The following MYT1L variants were observed in gnomAD, a reference collection of about 807,000 sequenced individuals.
MYT1L encodes myelin transcription factor 1-like protein.
MYT1L carries 12 observed loss-of-function variants against 126.7 expected under a neutral mutation model. That is an observed-to-expected ratio of 0.09 (90% CI 0.06 to 0.15). The LOEUF (loss-of-function observed/expected upper bound fraction) is 0.15, where lower values mean the gene tolerates loss of function less well. MYT1L is among the 10% of genes least tolerant of loss of function. The pLI, the probability that MYT1L is intolerant of heterozygous loss-of-function variation, is 1.00. For missense variants in MYT1L, 979 were observed against 1,585.2 expected (o/e 0.62, Z 6.49); for synonymous variants, 541 against 604.2 (o/e 0.90, Z 1.53).
Position 1,953,788 on chromosome 2 carries a change from T to C in MYT1L, c.153-10454A>G, listed in dbSNP as rs1335508754. Among the ~76,000 whole-genome samples the C allele has an allele frequency of 3.9e-5, 6 of 152,340 alleles. No individual in the cohort carries two copies. In the South Asian group the frequency reaches 8.3e-4, roughly 21 times the overall value. On this transcript the variant is annotated intron_variant, in intron 8 of 24. Coordinates refer to ENST00000647738, the MANE Select transcript of MYT1L (RefSeq NM_001303052.2). ...GCATCTGCTTTTCACGAAATCATAC[T>C]GCCTCTTTTCTGCCAAAACAGAACT...
chr2:2,009,827 T>C (rs1027365420), intron 4 of MYT1L, among the ~76,000 whole-genome samples: 1 of 152,140 alleles, frequency 6.6e-6, no homozygotes. Flanking sequence ...GTTAATTATA[T>C]TAGCTGCAGG....
intron 2 of MYT1L, among the ~76,000 whole-genome samples, chr2:2,239,910 T>C (rs1038571516): frequency 2.6e-5 from 4 of 152,194 alleles, no homozygotes; most frequent in Admixed American, 2.6e-4. Flanking sequence ...ACTCATCTCT[T>C]TTTTCTCTGA....
intron 14 of MYT1L, among the ~76,000 whole-genome samples, chr2:1,895,679 A>G (rs1406254666): frequency 6.6e-6 from 1 of 152,256 alleles, no homozygotes; most frequent in Admixed American, 6.5e-5. Flanking sequence ...GCCATATACA[A>G]AAATTAACAA....
chr2:2,292,848 A>G (rs577450275), intron 1 of MYT1L, among the ~76,000 whole-genome samples: 2 of 152,298 alleles, frequency 1.3e-5, no homozygotes, highest in East Asian at 3.9e-4. Flanking sequence ...CTGTACACAG[A>G]GCAATCAGAA....
intron 4 of MYT1L, among the ~76,000 whole-genome samples, chr2:2,012,368 C>A (rs78750778): frequency 0.018 from 2,725 of 152,304 alleles, 55 homozygotes; most frequent in South Asian, 0.092. Context: ...CAGTCTCACA[C>A]GGCCACGTCT....
intron 8 of MYT1L, among the ~76,000 whole-genome samples, chr2:1,958,144 A>G (rs1208877592): frequency 1.3e-5 from 2 of 152,116 alleles, no homozygotes; most frequent in East Asian, 3.9e-4. Flanking sequence ...TCTGTTTTAG[A>G]GAAATGCAAT....
chr2:1,845,317 A>G (rs1348045316), intron 19 of MYT1L, among the ~76,000 whole-genome samples: 1 of 152,136 alleles, frequency 6.6e-6, no homozygotes, highest in East Asian at 1.9e-4. Flanking sequence ...CTTTTCGTGA[A>G]TGAGTTGGAA....
At chr2:1,863,057 T>A (rs1444014575) in intron 18 of MYT1L, among the ~76,000 whole-genome samples, 1 of 152,148 alleles carries the variant, frequency 6.6e-6, no homozygotes, top group East Asian at 1.9e-4. Flanking sequence ...CTGGGAATGG[T>A]AGCGTGTCCA....
chr2:2,205,197 A>C (rs1572440583), intron 2 of MYT1L, among the ~76,000 whole-genome samples: 1 of 151,914 alleles, frequency 6.6e-6, no homozygotes, highest in Admixed American at 6.6e-5. Flanking sequence ...CAGCACACCA[A>C]CATGGTACAT....
chr2:2,088,236 C>T (rs2076552190), intron 3 of MYT1L, among the ~76,000 whole-genome samples: 1 of 152,212 alleles, frequency 6.6e-6, no homozygotes, highest in Admixed American at 6.5e-5. Context: ...AAGGTGATGA[C>T]TGACTCGCTT....
rs1263387139 is a variant in MYT1L at position 2,059,964 on chromosome 2, G to A, written c.-303-5841C>T. 1.3e-5 allele frequency among the ~76,000 whole-genome samples: 2 copies of A among 152,212 alleles called. No homozygotes were observed. Among genetic ancestry groups the A allele is most frequent in the African/African-American group, 4.8e-5 (2 of 41,458 alleles). ...CCAACCCCACCACGAGCTCGTCAGGGCAGGGGACAGAGCCCATTAGATTCT... is the reference window on the plus strand; with the variant it reads ...CCAACCCCACCACGAGCTCGTCAGGACAGGGGACAGAGCCCATTAGATTCT... On this transcript the variant is annotated intron_variant, in intron 3 of 24. Transcript: ENST00000647738. The surrounding 1 kb of genome is among the most constrained non-coding windows in gnomAD (Gnocchi z 4.7).
chr2:2,243,943 A>G (rs1363119919), intron 2 of MYT1L, among the ~76,000 whole-genome samples: 1 of 152,202 alleles, frequency 6.6e-6, no homozygotes, highest in Admixed American at 6.5e-5. Context: ...GAAAGACCAC[A>G]TGCAGGATTG....
chr2:2,265,865 T>G (rs1189652791), intron 2 of MYT1L, among the ~76,000 whole-genome samples: 1 of 152,094 alleles, frequency 6.6e-6, no homozygotes, highest in Non-Finnish European at 1.5e-5. Context: ...TCTGGGGCCC[T>G]AAGGAGGCAT....
intron 18 of MYT1L, among the ~76,000 whole-genome samples, chr2:1,871,267 T>C (rs1011975292): frequency 6.6e-6 from 1 of 152,216 alleles, no homozygotes; most frequent in Non-Finnish European, 1.5e-5. Context: ...AATCTCTGTG[T>C]GCCAAGATCA....
intron 13 of MYT1L, among the ~76,000 whole-genome samples, chr2:1,904,957 C>A (rs1035517840): frequency 1.4e-5 from 2 of 147,604 alleles, no homozygotes; most frequent in Admixed American, 6.7e-5. Context: ...CTGTGCCCAG[C>A]TAATTTTTTT....
intron 3 of MYT1L, among the ~76,000 whole-genome samples, chr2:2,128,305 C>T (rs998347212): frequency 1.3e-5 from 2 of 152,108 alleles, no homozygotes; most frequent in African/African-American, 2.4e-5. Context: ...CAACACCACG[C>T]CTGGCTAATT....
intron 21 of MYT1L, among the ~76,000 whole-genome samples, chr2:1,826,254 C>T (rs1056476035): frequency 9.2e-5 from 14 of 152,224 alleles, no homozygotes; most frequent in African/African-American, 2.7e-4. Flanking sequence ...AAGACCGGCA[C>T]GGTGCTCGGG....
chr2:1,987,527 T>C (rs528260845), intron 5 of MYT1L, among the ~76,000 whole-genome samples: 1 of 152,282 alleles, frequency 6.6e-6, no homozygotes, highest in Admixed American at 6.5e-5. Context: ...TCTGGGGCCC[T>C]CATGCCCATT....
rs1177655245 is a variant in MYT1L, at chr2:1,887,554, T to C, written c.2576A>G (p.Glu859Gly). 1 of 1,613,948 alleles carries C rather than the reference T, an allele frequency of 6.2e-7. No individual in the cohort carries two copies. Among genetic ancestry groups the C allele is most frequent in the Non-Finnish European group, 8.5e-7 (1 of 1,179,866 alleles). ...GGGTTTGGGACTTGGGATGGTCACC[T>C]CCCCGGGATACCGTCTTTCTTCTAG... ...EALEERRYPG[E>G]VTIPSPKPKY... Residue 859 changes from glutamate to glycine, a missense_variant, in exon 17 of 25, where the codon GAG (glutamate) becomes GGG (glycine). By Grantham distance (98) the Glu-to-Gly change is moderately conservative. Around this residue, in one of 12 missense-constraint regions of MYT1L, gnomAD observed 141 missense variants for 170.6 expected, o/e 0.83. Transcript: ENST00000647738. The surrounding 1 kb of genome is among the most constrained non-coding windows in gnomAD (Gnocchi z 4.8).
Sources: gnomAD v4.1 joint callset for allele counts (sites outside exome capture counted in the v4.1 genomes callset) on GRCh38, gnomAD v4.1.1 for gene constraint, gnomAD v4.1.1 regional missense constraint, Gnocchi (gnomAD v3.1) non-coding constraint, MANE v1.5 for transcripts, NCBI Gene and HGNC (gene_info 2026-07-23, HGNC 2026-07-21) for gene names.